LMO7: variants seen among roughly 807,000 people sequenced by gnomAD.
The protein encoded by LMO7 is LIM domain 7, also known as LIM domain only protein 7.
Under a neutral mutation model 206.5 loss-of-function variants are expected in LMO7, and 120 were observed. The ratio of observed to expected loss-of-function variants is 0.58; its 90% CI spans 0.50 to 0.68. LMO7 has a LOEUF of 0.68. Ranked by LOEUF, LMO7 falls within the 30% of genes least tolerant of loss-of-function variation. The probability of loss-of-function intolerance (pLI) is 0.00; values close to 1 mark genes in which losing one functional copy is unlikely to be tolerated. For synonymous variants in LMO7, 706 were observed against 681.5 expected (o/e 1.04, Z -0.56); for missense variants, 1,959 against 1,957.9 (o/e 1.00, Z -0.01).
intron 27 of LMO7, 38 bp from the exon 28 acceptor site, chr13:75,853,054 A>G (rs986496735): frequency 2.4e-5 from 35 of 1,480,434 alleles, no homozygotes; most frequent in Non-Finnish European, 3.1e-5. Context: ...CTAGTTGAAC[A>G]TGTCACATTA....
chr13:75,750,659 A>C (rs1189350586), intron 3 of LMO7, among the ~76,000 whole-genome samples: 1 of 152,122 alleles, frequency 6.6e-6, no homozygotes, highest in African/African-American at 2.4e-5. Flanking sequence ...GGCCTCCCAA[A>C]GTGCTGGGAT....
chr13:75,856,371 C>T, intron 29 of LMO7, 135 bp from the exon 30 acceptor site: 3 of 596,316 alleles, frequency 5.0e-6, no homozygotes, highest in Non-Finnish European at 8.9e-6. Context: ...CATCTTTCGG[C>T]CTTTTTTTTT....
chr13:75,762,843 C>T (rs1307376153), intron 4 of LMO7, among the ~76,000 whole-genome samples: 1 of 152,074 alleles, frequency 6.6e-6, no homozygotes, highest in East Asian at 1.9e-4. Context: ...GACCAAAAAG[C>T]AAAGGGGTTG....
At position 75,764,119 on chromosome 13, in the gene LMO7, A is replaced by G. The variant is rs79123566; in HGVS notation, c.317+3081A>G. 4.6e-3 allele frequency among the ~76,000 whole-genome samples: 693 copies of G among 152,268 alleles called. 7 individuals carry two copies. The highest frequency in any genetic ancestry group is 0.016 in the African/African-American group (653 of 41,562). Reference sequence around the variant, plus strand: ...TTTATTTAGGGACTACATGTATTCAAGCATCAGGTGACACCTTTAATTTTG... The same window carrying G: ...TTTATTTAGGGACTACATGTATTCAGGCATCAGGTGACACCTTTAATTTTG... On this transcript the variant is annotated intron_variant, in intron 4 of 30. Transcript: ENST00000377534.
At chr13:75,665,014 A>G (rs954683927) in intron 1 of LMO7, among the ~76,000 whole-genome samples, 1 of 152,194 alleles carries the variant, frequency 6.6e-6, no homozygotes, top group African/African-American at 2.4e-5. Flanking sequence ...TGTGCTTTCT[A>G]TTACCTAGTT....
intron 2 of LMO7, among the ~76,000 whole-genome samples, chr13:75,630,666 AAAAAC>A (rs1340146116): frequency 7.2e-5 from 11 of 152,344 alleles, no homozygotes; most frequent in African/African-American, 1.9e-4. Flanking sequence ...CCCTGTCTCA[AAAAAC>A]AAAACAAAAC....
intron 25 of LMO7, among the ~76,000 whole-genome samples, chr13:75,844,307 A>G (rs916546246): frequency 6.6e-6 from 1 of 151,608 alleles, no homozygotes; most frequent in Non-Finnish European, 1.5e-5. Flanking sequence ...TATTGGATTT[A>G]CACATATGTA....
At chr13:75,694,961 A>G (rs1297208068) in intron 1 of LMO7, among the ~76,000 whole-genome samples, 1 of 152,182 alleles carries the variant, frequency 6.6e-6, no homozygotes, top group Admixed American at 6.5e-5. Flanking sequence ...TCGAGGGTGA[A>G]GCAATCATCC....
chr13:75,826,399 A>C (rs1412512658), intron 15 of LMO7, among the ~76,000 whole-genome samples: 2 of 152,116 alleles, frequency 1.3e-5, no homozygotes, highest in Admixed American at 6.5e-5. Context: ...TTTTCCTATC[A>C]GTGCAAATAG....
chr13:75,844,867 A>G (rs1394100366), intron 25 of LMO7, among the ~76,000 whole-genome samples: 1 of 152,220 alleles, frequency 6.6e-6, no homozygotes, highest in African/African-American at 2.4e-5. Flanking sequence ...CTAAGATGGC[A>G]TTTGGTAAAT....
chr13:75,816,148 T>C (rs1455140777), intron 11 of LMO7, among the ~76,000 whole-genome samples: 1 of 152,238 alleles, frequency 6.6e-6, no homozygotes, highest in Non-Finnish European at 1.5e-5. Flanking sequence ...TTCCATGAGC[T>C]AGCTAAGCTA....
At chr13:75,774,559 A>C (rs930962947) in intron 4 of LMO7, among the ~76,000 whole-genome samples, 1 of 152,170 alleles carries the variant, frequency 6.6e-6, no homozygotes, top group Non-Finnish European at 1.5e-5. Context: ...CATTCTACTT[A>C]GTGCATAGTG....
chr13:75,753,021 A>G (rs191304370), intron 3 of LMO7, among the ~76,000 whole-genome samples: 4 of 152,354 alleles, frequency 2.6e-5, no homozygotes, highest in Admixed American at 2.6e-4. Flanking sequence ...TGTTTTCCAT[A>G]GAGACTGCAC....
intron 30 of LMO7, 80 bp downstream of exon 30, chr13:75,856,688 C>G: frequency 1.2e-6 from 1 of 812,950 alleles, no homozygotes; most frequent in Non-Finnish European, 2.2e-6. Flanking sequence ...GAACCTGCAG[C>G]GAGCTCCCCT....
chr13:75,716,191 C>T lies in LMO7; in HGVS notation c.140+2939C>T, dbSNP rs146849638. On this transcript the variant is annotated intron_variant, in intron 2 of 30. Coordinates refer to ENST00000377534, the MANE Select transcript of LMO7 (RefSeq NM_001306080.2). ...ATTTTAAAAAAATCCATTAGTAGTA[C>T]TCTTTCCTTTTGAACTGGTGTTCTG... Among the ~76,000 whole-genome samples the T allele has an allele frequency of 9.9e-4, 150 of 152,258 alleles. 1 individual carries two copies. The highest frequency in any genetic ancestry group is 3.5e-3 in the African/African-American group (147 of 41,548).
intron 7 of LMO7, 132 bp downstream of exon 7, chr13:75,801,014 G>A: frequency 1.3e-6 from 1 of 752,790 alleles, no homozygotes. Context: ...AGAGACTGGA[G>A]TATAATTGGG....
intron 26 of LMO7, 131 bp from the exon 27 acceptor site, chr13:75,848,948 A>G (rs1186917817): frequency 1.1e-5 from 7 of 623,270 alleles, no homozygotes; most frequent in African/African-American, 3.7e-5. Context: ...GATTATGGCC[A>G]TTCTTGCAGG....
intron 4 of LMO7, among the ~76,000 whole-genome samples, chr13:75,783,956 T>C (rs1275223511): frequency 6.6e-6 from 1 of 152,212 alleles, no homozygotes; most frequent in Non-Finnish European, 1.5e-5. Context: ...AAGTCTGCTT[T>C]ATCTGATTAG....
At chr13:75,729,991 G>C (rs1183828656) in intron 3 of LMO7, among the ~76,000 whole-genome samples, 1 of 152,122 alleles carries the variant, frequency 6.6e-6, no homozygotes, top group Non-Finnish European at 1.5e-5. Context: ...CTTGATCATG[G>C]TGGATAAGCT....
Sources: allele counts gnomAD v4.1 joint callset (sites outside exome capture counted in the v4.1 genomes callset), GRCh38; gene constraint gnomAD v4.1.1; transcripts MANE v1.5; gene names NCBI Gene and HGNC (gene_info 2026-07-23, HGNC 2026-07-21).